Variants in HS6ST3 observed in about 807,000 individuals in gnomAD.
The protein encoded by HS6ST3 is heparan-sulfate 6-O-sulfotransferase 3.
A neutral mutation model predicts 36.7 loss-of-function variants in HS6ST3; 12 were observed. The ratio of observed to expected loss-of-function variants is 0.33; its 90% CI spans 0.21 to 0.53. The LOEUF is 0.53. HS6ST3 is among the 20% of genes least tolerant of loss of function. HS6ST3 has a pLI of 0.95. For synonymous variants in HS6ST3, 240 were observed against 257.5 expected (o/e 0.93, Z 0.65); for missense variants, 584 against 640.9 (o/e 0.91, Z 0.96).
At chr13:96,372,275 A>C (rs1371057194) in intron 1 of HS6ST3, among the ~76,000 whole-genome samples, 1 of 152,072 alleles carries the variant, frequency 6.6e-6, no homozygotes, top group Non-Finnish European at 1.5e-5. Context: ...GGCCATTTGT[A>C]TGTTTTCTAA....
chr13:96,571,633 T>C (rs2046604457), intron 1 of HS6ST3, among the ~76,000 whole-genome samples: 1 of 152,176 alleles, frequency 6.6e-6, no homozygotes, highest in South Asian at 2.1e-4. Context: ...CTTGCAGTAA[T>C]TGTTGCTTGA....
chr13:96,765,060 C>CTTTTTTTTTT (rs11423735), intron 1 of HS6ST3, among the ~76,000 whole-genome samples: 16 of 93,904 alleles, frequency 1.7e-4, no homozygotes, highest in African/African-American at 3.4e-4. Flanking sequence ...TTGTTTCTTT[C>CTTTTTTTTTT]TTTTTTTTTT....
At chr13:96,713,501 T>G (rs1005557004) in intron 1 of HS6ST3, among the ~76,000 whole-genome samples, 1 of 152,202 alleles carries the variant, frequency 6.6e-6, no homozygotes, top group Non-Finnish European at 1.5e-5. Flanking sequence ...TCTCCAAGAA[T>G]AGATTCTGAA....
intron 1 of HS6ST3, among the ~76,000 whole-genome samples, chr13:96,536,309 C>T (rs1181280947): frequency 6.6e-6 from 1 of 152,180 alleles, no homozygotes; most frequent in East Asian, 1.9e-4. Flanking sequence ...GTTTACAAAA[C>T]ATGTTATTTT....
chr13:96,094,434 C>A (rs1317897444), intron 1 of HS6ST3, among the ~76,000 whole-genome samples: 2 of 152,226 alleles, frequency 1.3e-5, no homozygotes, highest in East Asian at 3.9e-4. Context: ...GGTCACCTTA[C>A]AGAGATACCA....
intron 1 of HS6ST3, among the ~76,000 whole-genome samples, chr13:96,717,437 T>C (rs972827067): frequency 1.3e-5 from 2 of 152,240 alleles, no homozygotes; most frequent in African/African-American, 4.8e-5. Context: ...TTCCAGTTCA[T>C]TGTCTTCCAA....
At chr13:96,799,578 C>T (rs886759353) in intron 1 of HS6ST3, among the ~76,000 whole-genome samples, 1 of 142,700 alleles carries the variant, frequency 7.0e-6, no homozygotes, top group African/African-American at 2.6e-5. Flanking sequence ...GGGAATTGAA[C>T]AATGAGAACA....
chr13:96,196,313 C>G (rs1249931897), intron 1 of HS6ST3, among the ~76,000 whole-genome samples: 1 of 152,146 alleles, frequency 6.6e-6, no homozygotes, highest in Non-Finnish European at 1.5e-5. Flanking sequence ...ATCCTCTTGG[C>G]CTCGCCTACT....
At chr13:96,141,803 C>T (rs977398743) in intron 1 of HS6ST3, among the ~76,000 whole-genome samples, 5 of 152,014 alleles carry the variant, frequency 3.3e-5, no homozygotes, top group African/African-American at 1.2e-4. Context: ...ACACAGTACT[C>T]TATGGAAAGA....
chr13:96,294,235 AT>A (rs1198571063), intron 1 of HS6ST3, among the ~76,000 whole-genome samples: 6 of 152,148 alleles, frequency 3.9e-5, no homozygotes, highest in Non-Finnish European at 8.8e-5. Flanking sequence ...TATGGTCACT[AT>A]TTGTTACCAA....
chr13:96,420,519 A>C lies in HS6ST3; in HGVS notation c.707+328950A>C, dbSNP rs55796156. Among the ~76,000 whole-genome samples the C allele has an allele frequency of 1.3e-3, 192 of 152,262 alleles. 2 individuals carry two copies. The highest frequency in any genetic ancestry group is 4.5e-3 in the African/African-American group (187 of 41,540). The stretch of plus-strand genomic sequence containing the variant: ...TTTGCTTATTTTGCTAGTTTGGTGA[A>C]TACTTGGGGGAATATCTAACTTTAG... On this transcript the variant is annotated intron_variant, in intron 1 of 1. Coordinates refer to ENST00000376705, the MANE Select transcript of HS6ST3 (RefSeq NM_153456.4).
At chr13:96,223,170 T>G (rs2054464098) in intron 1 of HS6ST3, among the ~76,000 whole-genome samples, 1 of 152,174 alleles carries the variant, frequency 6.6e-6, no homozygotes, top group Non-Finnish European at 1.5e-5. Context: ...TCAGTATTAG[T>G]ATGTTAGCTG....
chr13:96,614,185 C>T (rs2056465476), intron 1 of HS6ST3, among the ~76,000 whole-genome samples: 2 of 150,224 alleles, frequency 1.3e-5, no homozygotes, highest in Non-Finnish European at 3.0e-5. Context: ...GTAGTCCCAG[C>T]TACTCGGGAG....
chr13:96,353,704 T>A (rs560384789), intron 1 of HS6ST3, among the ~76,000 whole-genome samples: 2 of 152,174 alleles, frequency 1.3e-5, no homozygotes, highest in South Asian at 4.1e-4. Flanking sequence ...CCTTTACTTA[T>A]GCAACAGCCA....
At chr13:96,096,417 G>A (rs935057824) in intron 1 of HS6ST3, among the ~76,000 whole-genome samples, 1 of 152,236 alleles carries the variant, frequency 6.6e-6, no homozygotes, top group Non-Finnish European at 1.5e-5. Context: ...TCTTCTTGGG[G>A]AAAGGGTTAG....
intron 1 of HS6ST3, among the ~76,000 whole-genome samples, chr13:96,760,183 G>A (rs1876930723): frequency 6.6e-6 from 1 of 151,718 alleles, no homozygotes; most frequent in African/African-American, 2.4e-5. Context: ...GTTTTATATT[G>A]CACTACCATG....
intron 1 of HS6ST3, among the ~76,000 whole-genome samples, chr13:96,346,872 T>G (rs2055158051): frequency 1.3e-5 from 2 of 152,076 alleles, no homozygotes; most frequent in African/African-American, 2.4e-5. Flanking sequence ...CATGATTAGG[T>G]TACAAGAAAT....
intron 1 of HS6ST3, among the ~76,000 whole-genome samples, chr13:96,730,365 G>A (rs1423381094): frequency 2.0e-5 from 3 of 151,806 alleles, no homozygotes; most frequent in African/African-American, 7.3e-5. Context: ...TAAATTTTGT[G>A]ATTGGTGTTT....
intron 1 of HS6ST3, among the ~76,000 whole-genome samples, chr13:96,636,470 G>A (rs1390082118): frequency 6.6e-6 from 1 of 152,176 alleles, no homozygotes; most frequent in African/African-American, 2.4e-5. Context: ...GGCCATGGCT[G>A]TAGCTCTGAC....
Sources: allele counts gnomAD v4.1 joint callset (sites outside exome capture counted in the v4.1 genomes callset), GRCh38; gene constraint gnomAD v4.1.1; transcripts MANE v1.5; gene names NCBI Gene and HGNC (gene_info 2026-07-23, HGNC 2026-07-21).